Variants in SMG1 observed in about 807,000 individuals in gnomAD.
SMG1 encodes serine/threonine-protein kinase SMG1.
Under a neutral mutation model 419.9 loss-of-function variants are expected in SMG1, and 22 were observed. The observed-to-expected ratio is 0.05, with a 90% confidence interval of 0.04 to 0.07. The LOEUF (loss-of-function observed/expected upper bound fraction) is 0.07. Ranked by LOEUF, SMG1 falls within the 10% of genes least tolerant of loss-of-function variation. SMG1 has a pLI of 1.00. For missense variants in SMG1, 3,185 were observed against 4,342.0 expected, an observed-to-expected ratio of 0.73 and a Z score of 7.49; for synonymous variants, 1,538 against 1,553.5, an observed-to-expected ratio of 0.99 and a Z score of 0.23.
chr16:18,828,952 C>T (rs1251882121), intron 54 of SMG1, among the ~76,000 whole-genome samples: 4 of 151,438 alleles, frequency 2.6e-5, no homozygotes, highest in Non-Finnish European at 4.4e-5. Flanking sequence ...GAGCCGAGAT[C>T]GCGCCATTGC....
chr16:18,855,777 T>C (rs775641834), intron 29 of SMG1, among the ~76,000 whole-genome samples: 5 of 152,210 alleles, frequency 3.3e-5, no homozygotes, highest in African/African-American at 7.2e-5. Flanking sequence ...CCCATTCTTA[T>C]ACTCTTCTAA....
chr16:18,893,351 G>C (rs1567435180), intron 3 of SMG1, among the ~76,000 whole-genome samples: 1 of 152,216 alleles, frequency 6.6e-6, no homozygotes, highest in Non-Finnish European at 1.5e-5. Context: ...TGCTGGGCGA[G>C]GTGGCTCTTG....
Position 18,896,885 on chromosome 16 carries a change from G to C in SMG1, c.164C>G (p.Ser55Cys), listed in dbSNP as rs780281550. The change falls in exon 2 of 63, where the codon TCT becomes TGT. Residue 55 changes from serine (S) to cysteine (C), a missense_variant. Transcript: ENST00000446231. ...SSSRDRGGSS[S>C]YGLQPSNSAV... ...TGAATTTGAAGGTTGCAGTCCATAA[G>C]AGGAAGAACCACCTCTATCTCTGGA... 5 of 1,608,114 alleles carry C rather than the reference G, an allele frequency of 3.1e-6. No homozygotes were observed. Among genetic ancestry groups the C allele is most frequent in the South Asian group, 1.1e-5 (1 of 90,462 alleles).
chr16:18,855,343 T>C (rs902786935), intron 29 of SMG1, among the ~76,000 whole-genome samples: 6 of 152,188 alleles, frequency 3.9e-5, no homozygotes, highest in Non-Finnish European at 8.8e-5. Flanking sequence ...CAGTGCTCCT[T>C]GGACTCAGTC....
chr16:18,834,145 A>T, intron 50 of SMG1, 59 bp downstream of exon 50: 2 of 1,269,570 alleles, frequency 1.6e-6, no homozygotes, highest in South Asian at 2.7e-5. Flanking sequence ...GGTTAAAGAG[A>T]TGAGAAAGAC....
At chr16:18,904,214 G>A (rs1184155803) in intron 1 of SMG1, among the ~76,000 whole-genome samples, 6 of 151,272 alleles carry the variant, frequency 4.0e-5, no homozygotes, top group African/African-American at 1.5e-4. Context: ...TGGGATTACA[G>A]GCTTGAGCCA....
intron 55 of SMG1, among the ~76,000 whole-genome samples, chr16:18,821,221 C>CTTTTTTTTTTTTTTTTTTTT (rs869238782): frequency 9.6e-4 from 34 of 35,596 alleles, no homozygotes; most frequent in East Asian, 2.4e-3. Flanking sequence ...TAGTATGTTT[C>CTTTTTTTTTTTTTTTTTTTT]TTTTTTTTTT....
At chr16:18,864,191 T>TC in intron 23 of SMG1, 47 bp from the exon 24 acceptor site, 7 of 613,074 alleles carry the variant, frequency 1.1e-5, no homozygotes, top group South Asian at 6.1e-5. Flanking sequence ...TACTTACTTT[T>TC]TTTTTTTTTT....
chr16:18,848,698 G>A lies in SMG1; in HGVS notation c.5623+519C>T, dbSNP rs567944418. 1.9e-4 allele frequency among the ~76,000 whole-genome samples: 29 copies of A among 152,078 alleles called. No individual in the cohort carries two copies. In the South Asian group the frequency reaches 5.8e-3, roughly 31 times the overall value. ...CACGTCTTGGTGGATTACTGTCAAG[G>A]CTACAGATAATGTGTAAAGCACATG... On this transcript the variant is annotated intron_variant, in intron 36 of 62. Coordinates refer to ENST00000446231, the MANE Select transcript of SMG1 (RefSeq NM_015092.5).
chr16:18,864,187 C>CTTT (rs748193551), intron 23 of SMG1, 43 bp from the exon 24 acceptor site: 985 of 596,500 alleles, frequency 1.7e-3, no homozygotes, highest in East Asian at 2.7e-3. Context: ...TATCTACTTA[C>CTTT]TTTTTTTTTT....
intron 6 of SMG1, 111 bp from the exon 7 acceptor site, chr16:18,885,777 A>C: frequency 2.0e-6 from 2 of 1,013,976 alleles, no homozygotes; most frequent in South Asian, 2.9e-5. Context: ...GAGACCAAGA[A>C]AAATAGATTC....
intron 1 of SMG1, among the ~76,000 whole-genome samples, chr16:18,919,650 G>GTGTGTATA (rs1314775703): frequency 1.2e-5 from 1 of 82,004 alleles, no homozygotes; most frequent in Non-Finnish European, 2.4e-5. Context: ...GTGTGTGTGT[G>GTGTGTATA]TATATATACA....
intron 1 of SMG1, among the ~76,000 whole-genome samples, chr16:18,912,602 C>T (rs1858947777): frequency 6.6e-6 from 1 of 151,928 alleles, no homozygotes; most frequent in Non-Finnish European, 1.5e-5. Flanking sequence ...ACACGATAGG[C>T]CACTTTAAAT....
intron 1 of SMG1, among the ~76,000 whole-genome samples, chr16:18,917,433 G>A (rs2142003756): frequency 6.6e-6 from 1 of 152,070 alleles, no homozygotes; most frequent in African/African-American, 2.4e-5. Context: ...ACAGGTATGA[G>A]CCACCATACA....
chr16:18,915,482 T>C (rs1421533508), intron 1 of SMG1, among the ~76,000 whole-genome samples: 1 of 152,118 alleles, frequency 6.6e-6, no homozygotes, highest in East Asian at 1.9e-4. Context: ...ACTTGCAGGA[T>C]CTCATTTTCA....
chr16:18,854,606 T>A, intron 30 of SMG1, 50 bp downstream of exon 30: 1 of 1,510,252 alleles, frequency 6.6e-7, no homozygotes, highest in Non-Finnish European at 9.0e-7. Context: ...AACATTCATA[T>A]ACATGATTTT....
At chr16:18,895,218 C>T (rs2037068833) in intron 3 of SMG1, among the ~76,000 whole-genome samples, 1 of 152,028 alleles carries the variant, frequency 6.6e-6, no homozygotes, top group African/African-American at 2.4e-5. Flanking sequence ...CCACTCTAGG[C>T]AGGGCCCGGT....
chr16:18,905,321 T>C (rs1208324427), intron 1 of SMG1, among the ~76,000 whole-genome samples: 1 of 152,150 alleles, frequency 6.6e-6, no homozygotes, highest in Non-Finnish European at 1.5e-5. Context: ...ATCAATCTAA[T>C]AGCCTGGACT....
In SMG1 at chr16:18,829,558, T is replaced by C; in HGVS notation, c.9331A>G (p.Ser3111Gly). ...GCAATGATGTCTACACCCAGAGCAC[T>C]GATAAAACTGCACAGTGTGAGTCCG... ...ALGLTLCSFISALGVDIIAQV... is the reference protein window; with the variant it reads ...ALGLTLCSFIGALGVDIIAQV... Residue 3111 changes from serine to glycine, a missense_variant, in exon 54 of 63, where the codon AGT becomes GGT. Coordinates refer to ENST00000446231, the MANE Select transcript of SMG1 (RefSeq NM_015092.5). 6.2e-7 allele frequency: 1 copy of C among 1,614,036 alleles called. No homozygotes were observed.
Sources: gnomAD v4.1 joint callset for allele counts (sites outside exome capture counted in the v4.1 genomes callset) on GRCh38, gnomAD v4.1.1 for gene constraint, MANE v1.5 for transcripts, NCBI Gene and HGNC (gene_info 2026-07-23, HGNC 2026-07-21) for gene names.